PRDM15: variants seen among roughly 807,000 people sequenced by gnomAD.
PRDM15 encodes PR/SET domain 15.
In PRDM15, 64 loss-of-function variants were observed where a neutral mutation model predicts 128.6. That is an observed-to-expected ratio of 0.50 (90% CI 0.41 to 0.61). The LOEUF is 0.61. Ranked by LOEUF, PRDM15 falls within the 20% of genes least tolerant of loss-of-function variation. PRDM15 has a pLI of 0.00. For synonymous variants in PRDM15, 615 were observed against 621.8 expected, an observed-to-expected ratio of 0.99 and a Z score of 0.16; for missense variants, 1,242 against 1,569.1, an observed-to-expected ratio of 0.79 and a Z score of 3.52.
At chr21:41,853,499 T>C (rs1387303134) in intron 5 of PRDM15, among the ~76,000 whole-genome samples, 1 of 152,198 alleles carries the variant, frequency 6.6e-6, no homozygotes. Context: ...TTCGGCAATA[T>C]GAAATTGCTG....
Position 41,810,024 on chromosome 21 carries a change from C to T in PRDM15, c.2652+130G>A, listed in dbSNP as rs1038671257. 1.3e-4 allele frequency: 114 copies of T among 871,020 alleles called. No individual in the cohort carries two copies. In the African/African-American group the frequency reaches 1.4e-3, roughly 10 times the overall value. 54.0% of individuals were successfully genotyped at this position (871,020 alleles called of 1,614,324 possible). ...TGTGGCAGGCAGTGCCAGTCACAGA[C>T]GCACCTAAGACTCAGGGCCTGCCTC... On this transcript the variant is annotated intron_variant, in intron 21 of 23. Transcript: ENST00000398548. The surrounding 1 kb of genome is among the most constrained non-coding windows in gnomAD (Gnocchi z 6.4).
rs1217617010 is a variant in PRDM15 at position 41,810,948 on chromosome 21, G to A, written c.2393-112C>T. On this transcript the variant is annotated intron_variant, in intron 19 of 23. Transcript: ENST00000398548. The surrounding 1 kb of genome is among the most constrained non-coding windows in gnomAD (Gnocchi z 6.4). ...GGCACTGTAGGGCCTTCAGGAGAAG[G>A]TGAATTGCAAGAAGACAGCAGACAA... 2.1e-5 allele frequency: 18 copies of A among 870,050 alleles called. No individual in the cohort carries two copies. In the South Asian group the frequency reaches 2.5e-4, roughly 12 times the overall value. The allele number at this position is 870,050 out of a possible 1,614,324, so 53.9% of individuals were successfully genotyped here.
At chr21:41,834,410 CAG>C in intron 11 of PRDM15, 1 of 1,168,516 alleles carries the variant, frequency 8.6e-7, no homozygotes, top group Non-Finnish European at 1.2e-6. Context: ...GTTCTCAACA[CAG>C]GGGCGGGTGG....
At chr21:41,856,340 T>A (rs1295895637) in intron 4 of PRDM15, among the ~76,000 whole-genome samples, 1 of 145,598 alleles carries the variant, frequency 6.9e-6, no homozygotes, top group Non-Finnish European at 1.5e-5. Flanking sequence ...CTTTCCTTCT[T>A]CCCCCCTTTT....
intron 11 of PRDM15, among the ~76,000 whole-genome samples, chr21:41,834,947 C>T (rs1268162392): frequency 6.6e-6 from 1 of 152,188 alleles, no homozygotes; most frequent in Non-Finnish European, 1.5e-5. Flanking sequence ...CACAAGCAGG[C>T]TCAGAACAAA....
rs1370138000 is a variant in PRDM15 at position 41,798,308 on chromosome 21, CTTAA to C, written c.*2928_*2931del. ...AATACAGCCAACATCTCCAAACAGT[CTTAA>C]TGCCTTTCACAATCCAATGGGAAAG... On this transcript the variant is annotated 3_prime_UTR_variant, in exon 24 of 24. Transcript: ENST00000398548. 6.6e-6 allele frequency: 1 copy of C among 152,320 alleles called. No individual in the cohort carries two copies. Among genetic ancestry groups the C allele is most frequent in the African/African-American group, 2.4e-5 (1 of 41,580 alleles). 9.4% of individuals were successfully genotyped at this position (152,320 alleles called of 1,614,324 possible).
At chr21:41,857,755 G>A (rs1473465426) in intron 3 of PRDM15, among the ~76,000 whole-genome samples, 1 of 152,150 alleles carries the variant, frequency 6.6e-6, no homozygotes, top group African/African-American at 2.4e-5. Flanking sequence ...ACAGGACCCT[G>A]TCTCAAAGAA....
intron 16 of PRDM15, 69 bp downstream of exon 16, chr21:41,820,998 G>T: frequency 6.3e-7 from 1 of 1,585,354 alleles, no homozygotes. Flanking sequence ...CTTATAGCAT[G>T]TGTCTCTTTG....
intron 1 of PRDM15, chr21:41,878,738 C>T (rs370060965): frequency 1.3e-6 from 2 of 1,568,642 alleles, no homozygotes; most frequent in Non-Finnish European, 8.6e-7. Context: ...GTCCAGGGAC[C>T]CCCCCGTGCG....
chr21:41,837,811 G>A (rs981021474), intron 8 of PRDM15, 123 bp downstream of exon 8: 4 of 968,024 alleles, frequency 4.1e-6, no homozygotes, highest in African/African-American at 3.2e-5. Flanking sequence ...CTCCTCAGCA[G>A]GTCTGTTTCC....
At chr21:41,820,233 G>T in intron 16 of PRDM15, 59 bp from the exon 17 acceptor site, 1 of 1,378,484 alleles carries the variant, frequency 7.3e-7, no homozygotes. Flanking sequence ...CGGCAGCGAG[G>T]GCACTTTCCC....
intron 1 of PRDM15, chr21:41,871,430 G>T: frequency 7.4e-7 from 1 of 1,346,686 alleles, no homozygotes. Flanking sequence ...AGCTGCCATT[G>T]TTAAAGCCAC....
intron 1 of PRDM15, among the ~76,000 whole-genome samples, chr21:41,877,832 C>T (rs577306706): frequency 1.5e-3 from 222 of 152,182 alleles, no homozygotes; most frequent in Non-Finnish European, 2.6e-3. Context: ...GGCTACTTTG[C>T]GGCAAAAAGT....
chr21:41,822,100 C>G, intron 14 of PRDM15, 63 bp from the exon 15 acceptor site: 2 of 1,604,582 alleles, frequency 1.2e-6, no homozygotes, highest in South Asian at 2.2e-5. Flanking sequence ...CAGTTATCTA[C>G]ACCGCAGGGA....
intron 11 of PRDM15, among the ~76,000 whole-genome samples, chr21:41,834,015 G>C (rs1415994451): frequency 6.6e-6 from 1 of 152,200 alleles, no homozygotes; most frequent in African/African-American, 2.4e-5. Flanking sequence ...GCGTTAAGTG[G>C]AAGTCTTCAG....
intron 11 of PRDM15, among the ~76,000 whole-genome samples, chr21:41,833,804 T>C (rs2062777138): frequency 6.6e-6 from 1 of 152,200 alleles, no homozygotes; most frequent in Non-Finnish European, 1.5e-5. Flanking sequence ...CTTTGTTTTA[T>C]TTGGGTCCAG....
chr21:41,810,218 A>G lies in PRDM15; in HGVS notation c.2588T>C (p.Leu863Pro). ...HDKVEAQSCQ[L>P]CGTKVSTRAS... ...CCTGGTGGACACCTTGGTCCCGCAC[A>G]GCTGGCAGCTCTGCGCCTCCACCTT... The change falls in exon 21 of 24, where the codon CTG (leucine) becomes CCG (proline). Residue 863 changes from leucine (L) to proline (P), a missense_variant. Transcript: ENST00000398548. This position sits in a 1 kb window ranked among gnomAD's most constrained non-coding sequence, Gnocchi z 6.4. The G allele has an allele frequency of 6.2e-7, 1 of 1,613,156 alleles. No individual in the cohort carries two copies. The highest frequency in any genetic ancestry group is 8.5e-7 in the Non-Finnish European group (1 of 1,179,946).
At chr21:41,858,386 A>G (rs2063704984) in intron 3 of PRDM15, among the ~76,000 whole-genome samples, 1 of 151,898 alleles carries the variant, frequency 6.6e-6, no homozygotes, top group Non-Finnish European at 1.5e-5. Flanking sequence ...CCCAGAGCAC[A>G]GGCCCCTCCG....
At chr21:41,838,171 G>A (rs987580868) in intron 7 of PRDM15, 108 bp from the exon 8 acceptor site, 8 of 1,202,948 alleles carry the variant, frequency 6.7e-6, no homozygotes, top group Non-Finnish European at 8.3e-6. Flanking sequence ...GGCCAGAATG[G>A]TAGGCACAAA....
Sources: gnomAD v4.1 joint callset for allele counts (sites outside exome capture counted in the v4.1 genomes callset) on GRCh38, gnomAD v4.1.1 for gene constraint, Gnocchi (gnomAD v3.1) non-coding constraint, MANE v1.5 for transcripts, NCBI Gene and HGNC (gene_info 2026-07-23, HGNC 2026-07-21) for gene names.